The following SPATA31G1 variants were observed in gnomAD, a reference collection of about 807,000 sequenced individuals.
The protein encoded by SPATA31G1 is spermatogenesis-associated protein 31G1.
At chr9:35,045,324 C>T in the SPATA31G1 span, 1 of 1,614,078 alleles carries the variant, frequency 6.2e-7, no homozygotes, top group Non-Finnish European at 8.5e-7. Flanking sequence ...GAGCCAGGTC[C>T]CATCCCAAGG....
the SPATA31G1 span, chr9:35,042,927 G>A: frequency 6.2e-7 from 1 of 1,614,052 alleles, no homozygotes; most frequent in African/African-American, 1.3e-5. Context: ...AGAAGTGGAG[G>A]AAGAAGGGGA....
At chr9:35,044,639 C>A in the SPATA31G1 span, 1 of 1,614,054 alleles carries the variant, frequency 6.2e-7, no homozygotes, top group Non-Finnish European at 8.5e-7. Flanking sequence ...ATAAGCCTGA[C>A]GGGGAGGCAG....
At chr9:35,043,611 G>A in the SPATA31G1 span, 16 of 1,614,048 alleles carry the variant, frequency 9.9e-6, no homozygotes, top group South Asian at 1.5e-4. Flanking sequence ...GGAAACCACA[G>A]GACACAAAAA....
At chr9:35,043,155 T>C in the SPATA31G1 span, 3 of 1,614,204 alleles carry the variant, frequency 1.9e-6, no homozygotes, top group Non-Finnish European at 2.5e-6. Context: ...TCTGACCAGC[T>C]TTCCTGTGAG....
At chr9:35,043,757 G>A in the SPATA31G1 span, 20 of 1,614,198 alleles carry the variant, frequency 1.2e-5, no homozygotes, top group East Asian at 4.2e-4. Flanking sequence ...GATACAGAGA[G>A]AAACCTCAGG....
the SPATA31G1 span, chr9:35,045,143 A>G: frequency 1.2e-6 from 2 of 1,613,344 alleles, no homozygotes; most frequent in Non-Finnish European, 1.7e-6. Flanking sequence ...CCCCCAATCC[A>G]TGCCCCCACT....
At chr9:35,045,492 G>A in the SPATA31G1 span, 1 of 1,614,054 alleles carries the variant, frequency 6.2e-7, no homozygotes, top group Non-Finnish European at 8.5e-7. Context: ...CAAAGCAGGA[G>A]ACCATAGAAG....
the SPATA31G1 span, chr9:35,045,962 T>C: frequency 2.1e-6 from 3 of 1,414,156 alleles, no homozygotes; most frequent in Non-Finnish European, 2.8e-6. Context: ...ATGGAAATTC[T>C]AATAAACTAG....
chr9:35,043,823 CCA>C, the SPATA31G1 span: 1 of 1,614,158 alleles, frequency 6.2e-7, no homozygotes, highest in Non-Finnish European at 8.5e-7. Flanking sequence ...TGCCAGAACT[CCA>C]GAGAGAGAGT....
the SPATA31G1 span, chr9:35,044,258 G>A: frequency 1.2e-6 from 2 of 1,614,168 alleles, no homozygotes; most frequent in Non-Finnish European, 1.7e-6. Flanking sequence ...AAGCTACATG[G>A]AAGGATACTG....
the SPATA31G1 span, chr9:35,045,010 T>C: frequency 6.2e-7 from 1 of 1,614,174 alleles, no homozygotes; most frequent in Non-Finnish European, 8.5e-7. Flanking sequence ...CTGAAGAAAC[T>C]GCGGCAGAGC....
the SPATA31G1 span, chr9:35,044,809 ACCCAGTAC>A: frequency 1.2e-6 from 2 of 1,614,094 alleles, no homozygotes; most frequent in Non-Finnish European, 1.7e-6. Context: ...GATCCCCTAC[ACCCAGTAC>A]CCCAGCCTCC....
the SPATA31G1 span, chr9:35,044,038 C>CGA: frequency 6.8e-6 from 11 of 1,613,738 alleles, no homozygotes; most frequent in Admixed American, 1.8e-4. Context: ...GACCCAGTTT[C>CGA]ACCTCCCAGC....
At chr9:35,045,305 G>C in the SPATA31G1 span, 2 of 1,614,074 alleles carry the variant, frequency 1.2e-6, no homozygotes, top group Non-Finnish European at 1.7e-6. Flanking sequence ...AAATGAAGGG[G>C]AAGATGGTGA....
At chr9:35,042,944 G>C in the SPATA31G1 span, 7 of 1,614,096 alleles carry the variant, frequency 4.3e-6, no homozygotes, top group African/African-American at 2.7e-5. Context: ...GGGAAGAAGA[G>C]GAAGAGGGGG....
the SPATA31G1 span, chr9:35,045,632 C>T: frequency 1.2e-6 from 2 of 1,614,236 alleles, no homozygotes; most frequent in Non-Finnish European, 1.7e-6. Flanking sequence ...GCTCTCAACA[C>T]ACTGCTCTTC....
At chr9:35,043,678 T>C in the SPATA31G1 span, 3 of 1,614,094 alleles carry the variant, frequency 1.9e-6, no homozygotes, top group Non-Finnish European at 8.5e-7. Context: ...CCAGCTTCTC[T>C]GTCAGAACCC....
chr9:35,042,239 C>T, the SPATA31G1 span: 1 of 1,612,044 alleles, frequency 6.2e-7, no homozygotes, highest in African/African-American at 1.3e-5. Flanking sequence ...GGTAAACTGC[C>T]AGAAGGCTAA....
chr9:35,043,085 A>G, the SPATA31G1 span: 2 of 1,614,224 alleles, frequency 1.2e-6, no homozygotes, highest in Non-Finnish European at 1.7e-6. Flanking sequence ...CTATAGGGAT[A>G]CCAGAGCAAA....
Sources: allele counts gnomAD v4.1 joint callset, GRCh38; gene constraint gnomAD v4.1.1; transcripts MANE v1.5; gene names NCBI Gene and HGNC (gene_info 2026-07-23, HGNC 2026-07-21).